The following PAQR5 variants were observed in gnomAD, a reference collection of about 807,000 sequenced individuals.
PAQR5 encodes membrane progestin receptor gamma.
Under a neutral mutation model 34.5 loss-of-function variants are expected in PAQR5, and 20 were observed. The observed-to-expected ratio is 0.58, with a 90% CI of 0.41 to 0.84. The LOEUF (loss-of-function observed/expected upper bound fraction) is 0.84. Among genes scored for constraint, PAQR5 ranks in the 40% least tolerant of loss-of-function variants. The pLI is 0.00. For synonymous variants in PAQR5, 131 were observed against 155.6 expected, an observed-to-expected ratio of 0.84 and a Z score of 1.18; for missense variants, 378 against 412.7, an observed-to-expected ratio of 0.92 and a Z score of 0.73.
At chr15:69,346,240 A>T (rs535705366) in intron 2 of PAQR5, among the ~76,000 whole-genome samples, 26 of 151,802 alleles carry the variant, frequency 1.7e-4, no homozygotes, top group Admixed American at 1.4e-3. Context: ...GATTAAACAC[A>T]TAGGAATCAG....
intron 3 of PAQR5, among the ~76,000 whole-genome samples, chr15:69,370,920 G>A (rs1445516556): frequency 1.3e-5 from 2 of 152,092 alleles, no homozygotes; most frequent in East Asian, 1.9e-4. Flanking sequence ...AATTATTATC[G>A]CACATGTCTA....
chr15:69,318,599 CCTT>C (rs1245459398), intron 1 of PAQR5, among the ~76,000 whole-genome samples: 2 of 151,954 alleles, frequency 1.3e-5, no homozygotes, highest in East Asian at 3.9e-4. Context: ...CATTCTGCCT[CCTT>C]CTTCTTGGGG....
intron 1 of PAQR5, among the ~76,000 whole-genome samples, chr15:69,316,990 T>G (rs1339708663): frequency 6.6e-6 from 1 of 152,110 alleles, no homozygotes; most frequent in Admixed American, 6.5e-5. Context: ...TGGGTAATTT[T>G]TGTATTTTTA....
At chr15:69,395,516 TC>T (rs1271324624) in intron 6 of PAQR5, among the ~76,000 whole-genome samples, 4 of 152,220 alleles carry the variant, frequency 2.6e-5, no homozygotes, top group African/African-American at 7.2e-5. Context: ...TGCTGTTTAG[TC>T]TGTGCGACTG....
At chr15:69,349,592 G>A (rs2054857508) in intron 2 of PAQR5, among the ~76,000 whole-genome samples, 1 of 152,012 alleles carries the variant, frequency 6.6e-6, no homozygotes, top group South Asian at 2.1e-4. Context: ...CAAAACATGG[G>A]CCACTATTAA....
At chr15:69,351,479 CT>C (rs2140792990) in intron 2 of PAQR5, among the ~76,000 whole-genome samples, 1 of 152,336 alleles carries the variant, frequency 6.6e-6, no homozygotes, top group South Asian at 2.1e-4. Flanking sequence ...AGGCAAATGC[CT>C]TTTTCTCCAA....
intron 1 of PAQR5, among the ~76,000 whole-genome samples, chr15:69,299,580 G>C (rs563494026): frequency 9.2e-5 from 14 of 152,328 alleles, no homozygotes; most frequent in African/African-American, 3.4e-4. Flanking sequence ...TGTTGAAGTG[G>C]GTGCCCAGCT....
chr15:69,331,079 C>T (rs753967096), intron 1 of PAQR5, among the ~76,000 whole-genome samples: 8 of 152,168 alleles, frequency 5.3e-5, no homozygotes, highest in African/African-American at 1.2e-4. Flanking sequence ...AGTCCTGGGG[C>T]GACGTTCCTT....
chr15:69,361,734 G>T (rs983457301), intron 3 of PAQR5, among the ~76,000 whole-genome samples: 6 of 152,174 alleles, frequency 3.9e-5, no homozygotes, highest in African/African-American at 9.7e-5. Flanking sequence ...CTCCCACCAG[G>T]TTCCTCCCTT....
chr15:69,299,756 T>C (rs541132882), intron 1 of PAQR5, among the ~76,000 whole-genome samples: 62 of 152,080 alleles, frequency 4.1e-4, no homozygotes, highest in Non-Finnish European at 8.5e-4. Flanking sequence ...GTAACTCTTA[T>C]CCGTGAGCAG....
intron 6 of PAQR5, among the ~76,000 whole-genome samples, chr15:69,394,836 C>G (rs2056370651): frequency 6.6e-6 from 1 of 152,246 alleles, no homozygotes; most frequent in African/African-American, 2.4e-5. Context: ...GGCCCCTCTC[C>G]CGAGCTACTG....
At position 69,385,511 on chromosome 15, in the gene PAQR5, AAATT is replaced by A. The variant is rs1216280576; in HGVS notation, c.385+630_385+633del. 6.6e-6 allele frequency among the ~76,000 whole-genome samples: 1 copy of A among 152,074 alleles called. No homozygotes were observed. The highest frequency in any genetic ancestry group is 1.5e-5 in the Non-Finnish European group (1 of 68,012). ...AATAGATCAGCAACCTAAGCTGGTG[AAATT>A]CGGTGCTGACCGCCCCCTCTTCCTT... is the stretch of plus-strand genomic sequence containing the variant. On this transcript the variant is annotated intron_variant, in intron 5 of 8. Coordinates refer to ENST00000395407, the MANE Select transcript of PAQR5 (RefSeq NM_017705.4). This position sits in a 1 kb window ranked among gnomAD's most constrained non-coding sequence, Gnocchi z 4.7.
intron 3 of PAQR5, among the ~76,000 whole-genome samples, chr15:69,361,373 A>C (rs1477100686): frequency 6.6e-6 from 1 of 152,214 alleles, no homozygotes; most frequent in African/African-American, 2.4e-5. Context: ...GTGCATGAGA[A>C]ATTCTTTTCT....
intron 1 of PAQR5, among the ~76,000 whole-genome samples, chr15:69,301,775 T>C (rs2053609357): frequency 6.7e-6 from 1 of 149,484 alleles, no homozygotes; most frequent in Admixed American, 6.7e-5. Context: ...TCATCCTGAG[T>C]ACACAGAAGG....
intron 1 of PAQR5, among the ~76,000 whole-genome samples, chr15:69,319,037 G>A (rs1024067672): frequency 6.6e-6 from 1 of 151,220 alleles, no homozygotes; most frequent in Non-Finnish European, 1.5e-5. Context: ...GGGAGGCTGA[G>A]GCATGAGAAA....
chr15:69,396,229 G>A (rs1313551359), intron 6 of PAQR5, among the ~76,000 whole-genome samples: 2 of 149,690 alleles, frequency 1.3e-5, no homozygotes, highest in Non-Finnish European at 3.0e-5. Flanking sequence ...GATATGAACA[G>A]CCTGGCCAGG....
At position 69,351,548 on chromosome 15, in the gene PAQR5, C is replaced by T. The variant is rs141580869; in HGVS notation, c.-115-8418C>T. Among the ~76,000 whole-genome samples, 752 of 152,348 alleles carry T rather than the reference C, an allele frequency of 4.9e-3. 6 individuals are homozygous for T. The highest frequency in any genetic ancestry group is 6.8e-3 in the Non-Finnish European group (463 of 68,036). On this transcript the variant is annotated intron_variant, in intron 2 of 8. Transcript: ENST00000395407. ...CTCTCAGCTGGCAAGGCCAACAATACACCTTCACCGTCCTACCTCAGGGGT... is the reference window on the plus strand; with the variant it reads ...CTCTCAGCTGGCAAGGCCAACAATATACCTTCACCGTCCTACCTCAGGGGT...
chr15:69,340,301 A>G (rs963609746), intron 2 of PAQR5, among the ~76,000 whole-genome samples: 1 of 152,204 alleles, frequency 6.6e-6, no homozygotes, highest in African/African-American at 2.4e-5. Context: ...AACAAACATC[A>G]TAAAACAGTA....
chr15:69,322,276 G>A (rs940834543), intron 1 of PAQR5, among the ~76,000 whole-genome samples: 7 of 149,870 alleles, frequency 4.7e-5, no homozygotes. Context: ...TCAGGAGTTC[G>A]AGACCAGCCT....
Sources: allele counts gnomAD v4.1 joint callset (sites outside exome capture counted in the v4.1 genomes callset), GRCh38; gene constraint gnomAD v4.1.1; non-coding constraint Gnocchi (gnomAD v3.1); transcripts MANE v1.5; gene names NCBI Gene and HGNC (gene_info 2026-07-23, HGNC 2026-07-21).